The following MED12L variants were observed in gnomAD, a reference collection of about 807,000 sequenced individuals.
MED12L encodes the protein mediator of RNA polymerase II transcription subunit 12-like protein.
In MED12L, 60 loss-of-function variants were observed where a neutral mutation model predicts 281.3. The ratio of observed to expected loss-of-function variants is 0.21; its 90% CI spans 0.17 to 0.26. The LOEUF is 0.26. MED12L is among the 10% of genes least tolerant of loss of function. MED12L has a pLI of 1.00. For missense variants in MED12L, 2,146 were observed against 2,680.9 expected, an observed-to-expected ratio of 0.80 and a Z score of 4.41; for synonymous variants, 974 against 987.2, an observed-to-expected ratio of 0.99 and a Z score of 0.25.
intron 23 of MED12L, 76 bp from the exon 24 acceptor site, chr3:151,367,570 A>G (rs1755439734): frequency 1.5e-6 from 2 of 1,360,284 alleles, no homozygotes; most frequent in South Asian, 1.5e-5. Context: ...TATTGCCTGC[A>G]TTCTCTTAGT....
intron 36 of MED12L, among the ~76,000 whole-genome samples, chr3:151,386,460 GCTCACTGCAACCTCTGT>G (rs1266836227): frequency 1.3e-5 from 2 of 152,092 alleles, no homozygotes; most frequent in Non-Finnish European, 2.9e-5. Context: ...TGCGATCTTT[GCTCACTGCAACCTCTGT>G]CTCTCGGGTT....
At chr3:151,233,593 C>T (rs544270753) in intron 16 of MED12L, among the ~76,000 whole-genome samples, 14 of 152,204 alleles carry the variant, frequency 9.2e-5, no homozygotes, top group African/African-American at 1.9e-4. Flanking sequence ...ATTAGCTGGG[C>T]GTGGTGGCAG....
rs190995794 is a variant in MED12L at position 151,366,400 on chromosome 3, G to T, written c.3327+409G>T. On this transcript the variant is annotated intron_variant, in intron 23 of 44. Coordinates refer to ENST00000687756, the MANE Select transcript of MED12L (RefSeq NM_001393769.1). Reference sequence around the variant, plus strand: ...ACTTTGATATTTTTAAGTGCAAGGCGCAGTATACAAATAAAGGCTTTGTTG... The same window carrying T: ...ACTTTGATATTTTTAAGTGCAAGGCTCAGTATACAAATAAAGGCTTTGTTG... Among the ~76,000 whole-genome samples, 10 of 152,278 alleles carry T rather than the reference G, an allele frequency of 6.6e-5. No homozygotes were observed. The East Asian group carries it at 1.4e-3, about 21-fold the overall frequency.
At chr3:151,272,985 TGACTCTCA>T (rs1741231789) in intron 16 of MED12L, among the ~76,000 whole-genome samples, 1 of 152,168 alleles carries the variant, frequency 6.6e-6, no homozygotes, top group African/African-American at 2.4e-5. Flanking sequence ...AGGGCTGACA[TGACTCTCA>T]AAAGAAATGT....
chr3:151,411,351 G>A lies in MED12L; in HGVS notation c.5984G>A (p.Ser1995Asn), dbSNP rs1716907985. 16 of 1,614,206 alleles carry A rather than the reference G, an allele frequency of 9.9e-6. No individual in the cohort carries two copies. Among genetic ancestry groups the A allele is most frequent in the Non-Finnish European group, 1.3e-5 (15 of 1,180,046 alleles). Residue 1995 changes from serine to asparagine, a missense_variant, in exon 41 of 45, where the codon AGT (serine) becomes AAT (asparagine). Physicochemically the swap from Ser to Asn is conservative, Grantham distance 46. Around this residue, in one of 9 missense-constraint regions of MED12L, gnomAD observed 496 missense variants for 512.0 expected, o/e 0.97. Coordinates refer to ENST00000687756, the MANE Select transcript of MED12L (RefSeq NM_001393769.1). The stretch of plus-strand genomic sequence containing the variant: ...CAGACATCGCAGCAGCAGGCTGGCA[G>A]TGTGGTCCTGTCTCCCAGCTATAAC... ...LQQTSQQQAG[S>N]VVLSPSYNSR...
At chr3:151,159,147 A>C (rs191418825) in intron 7 of MED12L, among the ~76,000 whole-genome samples, 4 of 152,374 alleles carry the variant, frequency 2.6e-5, no homozygotes, top group Non-Finnish European at 1.5e-5. Flanking sequence ...TTTTGAAGAT[A>C]GGGGATCTTC....
At chr3:151,311,297 T>A (rs1019976420) in intron 16 of MED12L, among the ~76,000 whole-genome samples, 5 of 152,000 alleles carry the variant, frequency 3.3e-5, no homozygotes, top group Admixed American at 6.5e-5. Flanking sequence ...GAATAGTTTT[T>A]AAAATTATAT....
At chr3:151,329,456 CATA>C (rs1348233129) in intron 16 of MED12L, 1 of 1,477,336 alleles carries the variant, frequency 6.8e-7, no homozygotes, top group South Asian at 1.2e-5. Context: ...CAAGCACACT[CATA>C]ATAACAAAAA....
chr3:151,417,377 C>T (rs1019385290), intron 43 of MED12L, among the ~76,000 whole-genome samples: 13 of 151,824 alleles, frequency 8.6e-5, no homozygotes, highest in African/African-American at 3.1e-4. Flanking sequence ...TAAAGAACTG[C>T]GTCCAAATCA....
At chr3:151,349,253 G>GAA (rs139597859) in intron 16 of MED12L, among the ~76,000 whole-genome samples, 1 of 152,008 alleles carries the variant, frequency 6.6e-6, no homozygotes, top group African/African-American at 2.4e-5. Context: ...CCCACGTGGG[G>GAA]AAAAAAATGG....
chr3:151,136,435 T>C (rs1211615126), intron 5 of MED12L, among the ~76,000 whole-genome samples: 2 of 152,264 alleles, frequency 1.3e-5, no homozygotes, highest in African/African-American at 4.8e-5. Context: ...TTGTTTATGC[T>C]GAAAGTAATC....
chr3:151,348,226 C>T (rs1752765801), intron 16 of MED12L, among the ~76,000 whole-genome samples: 1 of 151,186 alleles, frequency 6.6e-6, no homozygotes, highest in South Asian at 2.1e-4. Flanking sequence ...TCTGATATGC[C>T]TTAACTGAAA....
At position 151,417,487 on chromosome 3, in the gene MED12L, C is replaced by CTTTT. The variant is rs56128844; in HGVS notation, c.6408+1081_6408+1084dup. On this transcript the variant is annotated intron_variant, in intron 43 of 44. Coordinates refer to ENST00000687756, the MANE Select transcript of MED12L (RefSeq NM_001393769.1). ...TCCGCTCCCCCAGCTCCCCCCCCGC[C>CTTTT]TTTTTTTTTTTTTTTTTTTGAGACG... Among the ~76,000 whole-genome samples, 30 of 78,816 alleles carry CTTTT rather than the reference C, an allele frequency of 3.8e-4. 1 individual carries two copies. Among genetic ancestry groups the CTTTT allele is most frequent in the East Asian group, 1.2e-3 (3 of 2,586 alleles). 51.7% of individuals were successfully genotyped at this position (78,816 alleles called of 152,430 possible). A position where few individuals can be genotyped will look rare whatever the true frequency, so the allele number is the denominator to read the frequency against.
At chr3:151,278,699 A>G (rs1321126106) in intron 16 of MED12L, among the ~76,000 whole-genome samples, 1 of 152,184 alleles carries the variant, frequency 6.6e-6, no homozygotes, top group Non-Finnish European at 1.5e-5. Flanking sequence ...ATGTGGTATG[A>G]GGTGGAGAAC....
At position 151,159,792 on chromosome 3, in the gene MED12L, A is replaced by G. The variant is rs544666976; in HGVS notation, c.838-40A>G. 29 of 1,574,472 alleles carry G rather than the reference A, an allele frequency of 1.8e-5. No individual in the cohort carries two copies. In the South Asian group the frequency reaches 2.5e-4, roughly 14 times the overall value. On this transcript the variant is annotated intron_variant, in intron 7 of 44. Coordinates refer to ENST00000687756, the MANE Select transcript of MED12L (RefSeq NM_001393769.1). ...TAAAATAGTTATTTAACCAAGACGC[A>G]TAAGACATGACTGAAGTCTGGTGTC... is the stretch of plus-strand genomic sequence containing the variant.
chr3:151,186,322 C>T (rs1723266824), intron 12 of MED12L, among the ~76,000 whole-genome samples: 1 of 152,148 alleles, frequency 6.6e-6, no homozygotes, highest in African/African-American at 2.4e-5. Context: ...CTTACCTCAT[C>T]TCTCTGCTTC....
At chr3:151,142,259 C>T (rs1717135419) in intron 5 of MED12L, among the ~76,000 whole-genome samples, 1 of 152,156 alleles carries the variant, frequency 6.6e-6, no homozygotes. Context: ...GCATGCTGCT[C>T]ACATCAAATG....
At position 151,185,346 on chromosome 3, in the gene MED12L, A is replaced by C. The variant is rs1417109450; in HGVS notation, c.1511A>C (p.Glu504Ala). 5.0e-6 allele frequency: 8 copies of C among 1,613,826 alleles called. No individual in the cohort carries two copies. Among genetic ancestry groups the C allele is most frequent in the South Asian group, 1.1e-5 (1 of 91,018 alleles). Residue 504 changes from glutamate (E) to alanine (A), a missense_variant, in exon 12 of 45, where the codon GAA (glutamate) becomes GCA (alanine). By Grantham distance (107) the Glu-to-Ala change is moderately radical. Around this residue, in one of 9 missense-constraint regions of MED12L, gnomAD observed 722 missense variants for 861.2 expected, o/e 0.84. Coordinates refer to ENST00000687756, the MANE Select transcript of MED12L (RefSeq NM_001393769.1). ...GGTCATTAGGTTGCGCCCAACGATGAAGCTGTGGTGACGCTGTTATGTGAA... is the reference window on the plus strand; with the variant it reads ...GGTCATTAGGTTGCGCCCAACGATGCAGCTGTGGTGACGCTGTTATGTGAA... ...KDNQEVAPND[E>A]AVVTLLCEWA...
chr3:151,423,853 T>C (rs919526712), intron 43 of MED12L, among the ~76,000 whole-genome samples: 5 of 152,234 alleles, frequency 3.3e-5, no homozygotes, highest in African/African-American at 1.2e-4. Context: ...TAAAAAAATA[T>C]GCTAACAGAA....
Sources: gnomAD v4.1 joint callset for allele counts (sites outside exome capture counted in the v4.1 genomes callset) on GRCh38, gnomAD v4.1.1 for gene constraint, gnomAD v4.1.1 regional missense constraint, MANE v1.5 for transcripts, NCBI Gene and HGNC (gene_info 2026-07-23, HGNC 2026-07-21) for gene names.